The following SCAF8 variants were observed in gnomAD, a reference collection of about 807,000 sequenced individuals.
The protein encoded by SCAF8 is SR-related CTD associated factor 8.
A neutral mutation model predicts 140.5 loss-of-function variants in SCAF8; 23 were observed. That is an observed-to-expected ratio of 0.16 (90% CI 0.12 to 0.23). The LOEUF is 0.23. SCAF8 is among the 10% of genes least tolerant of loss of function. The pLI is 1.00. For missense variants in SCAF8, 1,397 were observed against 1,555.7 expected (o/e 0.90, Z 1.72); for synonymous variants, 575 against 528.9 (o/e 1.09, Z -1.20).
chr6:154,738,880 A>G (rs528456851), intron 1 of SCAF8, among the ~76,000 whole-genome samples: 154 of 152,148 alleles, frequency 1.0e-3, no homozygotes, highest in African/African-American at 3.6e-3. Flanking sequence ...ATCTTGTTCT[A>G]TTGTTTTTTT....
At position 154,824,245 on chromosome 6, in the gene SCAF8, G is replaced by T. The variant is rs750285555; in HGVS notation, c.1938G>T (p.Ala646=). Residue 646 remains alanine, a synonymous_variant, in exon 17 of 20, where the codon GCG becomes GCT. Transcript: ENST00000367178. The part of the protein sequence containing the change: ...PPVAMLQIPV[A]PAVPTVSLVP... ...TCTATCCACAAAAGATTCCAGTGGC[G>T]CCAGCCGTGCCTACAGTTAGTTTAG... 7 of 1,613,540 alleles carry T rather than the reference G, an allele frequency of 4.3e-6. No individual in the cohort carries two copies. The highest frequency in any genetic ancestry group is 5.9e-6 in the Non-Finnish European group (7 of 1,179,776).
At chr6:154,771,555 G>A (rs546923844) in intron 1 of SCAF8, among the ~76,000 whole-genome samples, 1 of 152,192 alleles carries the variant, frequency 6.6e-6, no homozygotes, top group Admixed American at 6.5e-5. Context: ...TTTAAGGGGG[G>A]TGGGTAGTAG....
chr6:154,794,549 G>A (rs1777530560), intron 5 of SCAF8, among the ~76,000 whole-genome samples: 1 of 152,034 alleles, frequency 6.6e-6, no homozygotes, highest in South Asian at 2.1e-4. Flanking sequence ...AGTTAGTGTT[G>A]TTAATCTCTT....
At chr6:154,783,410 T>C (rs1247961451) in intron 3 of SCAF8, among the ~76,000 whole-genome samples, 1 of 152,248 alleles carries the variant, frequency 6.6e-6, no homozygotes, top group Non-Finnish European at 1.5e-5. Context: ...ATTTCATCTT[T>C]CTGGCTCTGA....
chr6:154,759,385 A>G (rs530241784), intron 1 of SCAF8, among the ~76,000 whole-genome samples: 3 of 152,152 alleles, frequency 2.0e-5, no homozygotes, highest in African/African-American at 7.2e-5. Context: ...TTTGTTTCAA[A>G]GCAGTTTTAA....
At chr6:154,751,163 G>A (rs1235269636) in intron 1 of SCAF8, among the ~76,000 whole-genome samples, 3 of 152,122 alleles carry the variant, frequency 2.0e-5, no homozygotes, top group African/African-American at 7.2e-5. Context: ...TATAGGAAGA[G>A]CTAGTTGTGG....
chr6:154,785,877 T>C (rs1777236527), intron 3 of SCAF8, among the ~76,000 whole-genome samples: 2 of 152,150 alleles, frequency 1.3e-5, no homozygotes, highest in Non-Finnish European at 2.9e-5. Context: ...TATTTCTCTA[T>C]AAAATAAGAA....
chr6:154,742,953 A>AT (rs35031480), intron 1 of SCAF8, among the ~76,000 whole-genome samples: 57,645 of 151,556 alleles, frequency 0.38, 11,889 homozygotes, highest in East Asian at 0.89. Context: ...CGGCCTAGGG[A>AT]TTTTTTTTTC....
intron 1 of SCAF8, among the ~76,000 whole-genome samples, chr6:154,759,194 G>GC (rs1189893512): frequency 2.0e-5 from 3 of 152,182 alleles, no homozygotes; most frequent in African/African-American, 7.2e-5. Flanking sequence ...CGAAAGCAAG[G>GC]CCTCGTAGTT....
intron 3 of SCAF8, 49 bp from the exon 4 acceptor site, chr6:154,787,812 A>G: frequency 1.3e-6 from 2 of 1,523,232 alleles, no homozygotes; most frequent in Non-Finnish European, 1.8e-6. Flanking sequence ...TCTATCAAGA[A>G]TTTTACCTTT....
At chr6:154,794,734 G>A (rs1450643489) in intron 5 of SCAF8, among the ~76,000 whole-genome samples, 3 of 119,880 alleles carry the variant, frequency 2.5e-5, no homozygotes, top group African/African-American at 9.6e-5. Context: ...AATTGAGGAG[G>A]ACAAATTTGG....
Position 154,733,732 on chromosome 6 carries a change from T to G in SCAF8, c.-169T>G. ...TGCCGCTCTGCCGCTGAGGGAGCCC[T>G]TCCCCGCCAGCGCGTGCCCTTCCAC... On this transcript the variant is annotated 5_prime_UTR_variant, in exon 1 of 20. Coordinates refer to ENST00000367178, the MANE Select transcript of SCAF8 (RefSeq NM_014892.5). 7.7e-7 allele frequency: 1 copy of G among 1,300,642 alleles called. No individual in the cohort carries two copies. Among genetic ancestry groups the G allele is most frequent in the Non-Finnish European group, 9.7e-7 (1 of 1,025,910 alleles). 80.6% of individuals were successfully genotyped at this position (1,300,642 alleles called of 1,614,324 possible).
chr6:154,734,388 G>T (rs562181330), intron 1 of SCAF8, among the ~76,000 whole-genome samples: 1 of 152,336 alleles, frequency 6.6e-6, no homozygotes, highest in Admixed American at 6.5e-5. Context: ...ATGAACCTAC[G>T]GGGTGTTGAT....
chr6:154,814,834 A>G (rs1204570430), intron 12 of SCAF8, among the ~76,000 whole-genome samples: 1 of 152,204 alleles, frequency 6.6e-6, no homozygotes, highest in Non-Finnish European at 1.5e-5. Flanking sequence ...GGCTTTCAAC[A>G]GTTAAGTATC....
chr6:154,805,423 A>G lies in SCAF8; in HGVS notation c.918A>G (p.Gln306=). 6.2e-7 allele frequency: 1 copy of G among 1,612,624 alleles called. No individual in the cohort carries two copies. Among genetic ancestry groups the G allele is most frequent in the South Asian group, 1.1e-5 (1 of 90,890 alleles). ...CCATTTTTCATCAGATAGCAGAACA[A>G]CTACAACAGCAAAACCTAGAACATC... ...NNSIFHQIAE[Q]LQQQNLEHLR... is the part of the protein sequence containing the mutation. Residue 306 remains glutamine (Q), a synonymous_variant, in exon 9 of 20, where the codon CAA becomes CAG. Coordinates refer to ENST00000367178, the MANE Select transcript of SCAF8 (RefSeq NM_014892.5).
At chr6:154,783,603 T>G (rs1323645572) in intron 3 of SCAF8, among the ~76,000 whole-genome samples, 3 of 152,256 alleles carry the variant, frequency 2.0e-5, no homozygotes, top group Non-Finnish European at 2.9e-5. Flanking sequence ...GTCTAGAGAT[T>G]ATCATCATGA....
chr6:154,738,894 TC>T (rs1778497269), intron 1 of SCAF8, among the ~76,000 whole-genome samples: 1 of 152,204 alleles, frequency 6.6e-6, no homozygotes, highest in African/African-American at 2.4e-5. Context: ...TTTTTTTGTT[TC>T]CTTTTTTGTT....
chr6:154,832,145 G>A lies in SCAF8; in HGVS notation c.2566G>A (p.Gly856Arg), dbSNP rs770425600. The change falls in exon 20 of 20, where the codon GGA (glycine) becomes AGA (arginine). Residue 856 changes from glycine to arginine, a missense_variant. Transcript: ENST00000367178. ...PNILNNSGIL[G>R]IQPPSVSNSS... The stretch of plus-strand genomic sequence containing the variant: ...TATTCTAAATAACTCTGGAATATTG[G>A]GAATACAGCCACCCAGTGTGTCAAA... 5.0e-6 allele frequency: 8 copies of A among 1,613,942 alleles called. No homozygotes were observed. The South Asian group carries it at 7.7e-5, about 16-fold the overall frequency.
chr6:154,735,047 C>G (rs887313435), intron 1 of SCAF8, among the ~76,000 whole-genome samples: 3 of 151,552 alleles, frequency 2.0e-5, no homozygotes, highest in East Asian at 1.9e-4. Flanking sequence ...TCGCTTGAAC[C>G]TGGGAAGCGG....
Sources: allele counts gnomAD v4.1 joint callset (sites outside exome capture counted in the v4.1 genomes callset), GRCh38; gene constraint gnomAD v4.1.1; transcripts MANE v1.5; gene names NCBI Gene and HGNC (gene_info 2026-07-23, HGNC 2026-07-21).